Variants in DIAPH3 observed in about 807,000 individuals in gnomAD.
DIAPH3 encodes the protein diaphanous related formin 3.
Under a neutral mutation model 144.3 loss-of-function variants are expected in DIAPH3, and 117 were observed. That is an observed-to-expected ratio of 0.81 (90% CI 0.70 to 0.95). The LOEUF is 0.95. DIAPH3 is among the 40% of genes least tolerant of loss of function. DIAPH3 has a pLI of 0.00. For synonymous variants in DIAPH3, 519 were observed against 488.9 expected, an observed-to-expected ratio of 1.06 and a Z score of -0.81; for missense variants, 1,421 against 1,412.7, an observed-to-expected ratio of 1.01 and a Z score of -0.09.
At chr13:60,031,106 G>C (rs1461243352) in intron 5 of DIAPH3, among the ~76,000 whole-genome samples, 1 of 152,190 alleles carries the variant, frequency 6.6e-6, no homozygotes, top group Non-Finnish European at 1.5e-5. Flanking sequence ...TTGTACAGGA[G>C]GTATGGCGCC....
chr13:59,916,148 T>C lies in DIAPH3; in HGVS notation c.2265+7A>G, dbSNP rs1212241347. On this transcript the variant is annotated splice_region_variant and intron_variant, in intron 19 of 27. Coordinates refer to ENST00000400324, the MANE Select transcript of DIAPH3 (RefSeq NM_001042517.2). ...TATTGAAATTTAAGCTGTGCCTGTT[T>C]GTTTACCTGAATCATAGACTCTGCC... is the stretch of plus-strand genomic sequence containing the variant. The C allele has an allele frequency of 3.1e-6, 5 of 1,610,030 alleles. No individual in the cohort carries two copies. The highest frequency in any genetic ancestry group is 4.2e-6 in the Non-Finnish European group (5 of 1,176,542).
chr13:59,923,720 A>C (rs2047625818), intron 18 of DIAPH3, among the ~76,000 whole-genome samples: 1 of 152,174 alleles, frequency 6.6e-6, no homozygotes, highest in Non-Finnish European at 1.5e-5. Flanking sequence ...ATGTGCAATC[A>C]GCAGTGCCCA....
chr13:59,729,187 G>A (rs915877925), intron 27 of DIAPH3, among the ~76,000 whole-genome samples: 2 of 152,140 alleles, frequency 1.3e-5, no homozygotes, highest in African/African-American at 4.8e-5. Flanking sequence ...TCAGTGGACT[G>A]GGTCAAAAAA....
intron 25 of DIAPH3, among the ~76,000 whole-genome samples, chr13:59,807,765 G>A (rs759740242): frequency 6.6e-6 from 1 of 151,848 alleles, no homozygotes; most frequent in Admixed American, 6.6e-5. Context: ...AATCCAATAG[G>A]TCAAATAAGA....
At chr13:60,032,536 G>T (rs1380717691) in intron 5 of DIAPH3, among the ~76,000 whole-genome samples, 1 of 152,232 alleles carries the variant, frequency 6.6e-6, no homozygotes, top group East Asian at 1.9e-4. Context: ...CTCTGGAGCT[G>T]TGGCCCAAGC....
intron 2 of DIAPH3, among the ~76,000 whole-genome samples, chr13:60,122,413 T>A (rs1213930813): frequency 2.6e-5 from 4 of 152,200 alleles, no homozygotes; most frequent in African/African-American, 9.6e-5. Context: ...ATAATATGTA[T>A]ACAATTCTTT....
chr13:59,687,433 G>A (rs2033275563), intron 27 of DIAPH3, among the ~76,000 whole-genome samples: 1 of 152,020 alleles, frequency 6.6e-6, no homozygotes, highest in Admixed American at 6.6e-5. Context: ...ATAAGTATTT[G>A]TCTCCAACAA....
chr13:59,821,319 G>A (rs1420982276), intron 24 of DIAPH3, among the ~76,000 whole-genome samples: 1 of 151,982 alleles, frequency 6.6e-6, no homozygotes, highest in African/African-American at 2.4e-5. Flanking sequence ...CTTGCTTAGG[G>A]TTGTTTAACC....
Position 59,917,642 on chromosome 13 carries a change from G to A in DIAPH3, c.2171-1393C>T, listed in dbSNP as rs551429986. On this transcript the variant is annotated intron_variant, in intron 18 of 27. Coordinates refer to ENST00000400324, the MANE Select transcript of DIAPH3 (RefSeq NM_001042517.2). ...ACGGTGGCTCACGCCTGTAATCCCAGCACTTTGGGAGGCAGAGGCAGGCGG... is the reference window on the plus strand; with the variant it reads ...ACGGTGGCTCACGCCTGTAATCCCAACACTTTGGGAGGCAGAGGCAGGCGG... Among the ~76,000 whole-genome samples the A allele has an allele frequency of 3.9e-5, 6 of 152,088 alleles. No individual in the cohort carries two copies. In the South Asian group the frequency reaches 1.0e-3, roughly 26 times the overall value.
At chr13:59,907,038 C>T (rs898734520) in intron 20 of DIAPH3, among the ~76,000 whole-genome samples, 20 of 152,006 alleles carry the variant, frequency 1.3e-4, no homozygotes, top group African/African-American at 4.8e-4. Context: ...GAAAGATGGA[C>T]GAGAAGGTGT....
At chr13:59,700,601 G>A (rs1593610016) in intron 27 of DIAPH3, among the ~76,000 whole-genome samples, 1 of 152,188 alleles carries the variant, frequency 6.6e-6, no homozygotes, top group Middle Eastern at 3.2e-3. Flanking sequence ...GTAGTTAAGA[G>A]TCAAAGTATC....
At chr13:60,082,466 GAGAA>G (rs1156235547) in intron 4 of DIAPH3, among the ~76,000 whole-genome samples, 9 of 151,376 alleles carry the variant, frequency 5.9e-5, no homozygotes, top group Non-Finnish European at 1.0e-4. Context: ...AGATATCCCA[GAGAA>G]AGAAAGACAT....
At chr13:59,794,023 T>G (rs886466184) in intron 25 of DIAPH3, among the ~76,000 whole-genome samples, 1 of 152,176 alleles carries the variant, frequency 6.6e-6, no homozygotes, top group East Asian at 1.9e-4. Flanking sequence ...TGACTACCCA[T>G]ACAACCATTG....
chr13:59,883,307 T>C (rs1280072978), intron 20 of DIAPH3, among the ~76,000 whole-genome samples: 1 of 152,134 alleles, frequency 6.6e-6, no homozygotes, highest in Non-Finnish European at 1.5e-5. Flanking sequence ...AAAAAAATCA[T>C]TTTTTACATC....
intron 20 of DIAPH3, among the ~76,000 whole-genome samples, chr13:59,900,933 T>A (rs1686849558): frequency 6.6e-6 from 1 of 152,210 alleles, no homozygotes; most frequent in African/African-American, 2.4e-5. Context: ...TTATTCATGA[T>A]TCCTCCTATG....
chr13:59,850,427 G>T (rs1202767492), intron 22 of DIAPH3, among the ~76,000 whole-genome samples: 1 of 151,588 alleles, frequency 6.6e-6, no homozygotes, highest in African/African-American at 2.4e-5. Context: ...TCCAGTTTTT[G>T]CCCATTCAGT....
At chr13:60,074,645 T>C (rs2057318750) in intron 4 of DIAPH3, among the ~76,000 whole-genome samples, 2 of 152,238 alleles carry the variant, frequency 1.3e-5, no homozygotes, top group South Asian at 4.1e-4. Flanking sequence ...CAAATGCTTT[T>C]ACAAGTTTGG....
In DIAPH3 at chr13:59,666,668, CT is replaced by C. The variant is rs749399334; in HGVS notation, c.3497del (p.Lys1166ArgfsTer49). 6 of 1,613,948 alleles carry C rather than the reference CT, an allele frequency of 3.7e-6. No homozygotes were observed. Among genetic ancestry groups the C allele is most frequent in the Non-Finnish European group, 5.1e-6 (6 of 1,179,988 alleles). ...EACNVESNRK[K>X]ETELLGSFSK... The stretch of plus-strand genomic sequence containing the variant: ...AAAAAGAGCCAAGAAGTTCCGTTTC[CT>C]TTTTTCTGTTGCTTTCTACATTACA... On this transcript the variant is annotated frameshift_variant, in exon 28 of 28. Coordinates refer to ENST00000400324, the MANE Select transcript of DIAPH3 (RefSeq NM_001042517.2). LOFTEE classifies it high-confidence loss of function.
intron 27 of DIAPH3, among the ~76,000 whole-genome samples, chr13:59,679,759 T>C (rs944467245): frequency 6.6e-6 from 1 of 152,108 alleles, no homozygotes; most frequent in African/African-American, 2.4e-5. Context: ...GAGACCCATA[T>C]TGGCCATAAA....
Sources: allele counts gnomAD v4.1 joint callset (sites outside exome capture counted in the v4.1 genomes callset), GRCh38; gene constraint gnomAD v4.1.1; transcripts MANE v1.5; gene names NCBI Gene and HGNC (gene_info 2026-07-23, HGNC 2026-07-21).